CNTN5: variants seen among roughly 807,000 people sequenced by gnomAD.
CNTN5 encodes contactin 5.
CNTN5 carries 77 observed loss-of-function variants against 129.1 expected under a neutral mutation model. The ratio of observed to expected loss-of-function variants is 0.60; its 90% CI spans 0.50 to 0.72. The LOEUF (loss-of-function observed/expected upper bound fraction) is 0.72. CNTN5 is among the 30% of genes least tolerant of loss of function. The pLI is 0.00. For missense variants in CNTN5, 1,478 were observed against 1,328.8 expected, an observed-to-expected ratio of 1.11 and a Z score of -1.75; for synonymous variants, 509 against 465.6, an observed-to-expected ratio of 1.09 and a Z score of -1.20.
intron 15 of CNTN5, among the ~76,000 whole-genome samples, chr11:100,203,799 TAC>T (rs59141425): frequency 0.021 from 2,941 of 139,124 alleles, 44 homozygotes; most frequent in Middle Eastern, 0.088. Flanking sequence ...AATGTGCACG[TAC>T]ACACACACAC....
chr11:99,689,196 T>C (rs1953925099), intron 3 of CNTN5, among the ~76,000 whole-genome samples: 1 of 152,098 alleles, frequency 6.6e-6, no homozygotes, highest in South Asian at 2.1e-4. Context: ...TCTTCCACAA[T>C]GGGTTGAACT....
chr11:99,522,172 A>G (rs1023428810), intron 2 of CNTN5, among the ~76,000 whole-genome samples: 1 of 152,286 alleles, frequency 6.6e-6, no homozygotes, highest in East Asian at 1.9e-4. Context: ...ATGAACACCT[A>G]TAAAAGAACA....
chr11:100,197,853 G>A (rs987533795), intron 15 of CNTN5, among the ~76,000 whole-genome samples: 5 of 151,910 alleles, frequency 3.3e-5, no homozygotes, highest in Non-Finnish European at 7.4e-5. Flanking sequence ...CTTTCATTGT[G>A]AACTTGATAA....
intron 1 of CNTN5, among the ~76,000 whole-genome samples, chr11:99,158,903 AT>A (rs1860462012): frequency 6.6e-6 from 1 of 152,206 alleles, no homozygotes; most frequent in South Asian, 2.1e-4. Context: ...TTATAAACAT[AT>A]TGAATATTAA....
chr11:99,862,576 C>G (rs1260067236), intron 6 of CNTN5, among the ~76,000 whole-genome samples: 1 of 151,858 alleles, frequency 6.6e-6, no homozygotes, highest in Admixed American at 6.6e-5. Flanking sequence ...ACTTTGTTGT[C>G]TATTTCTTAT....
At chr11:99,032,100 C>T (rs1345666273) in intron 1 of CNTN5, among the ~76,000 whole-genome samples, 1 of 152,000 alleles carries the variant, frequency 6.6e-6, no homozygotes, top group Non-Finnish European at 1.5e-5. Flanking sequence ...ATGAACTCAT[C>T]CTTTTTTATG....
chr11:99,242,609 T>C (rs1413325568), intron 1 of CNTN5, among the ~76,000 whole-genome samples: 2 of 152,110 alleles, frequency 1.3e-5, no homozygotes, highest in Non-Finnish European at 2.9e-5. Flanking sequence ...TAGTACACGA[T>C]AGTTTTTCAG....
intron 3 of CNTN5, among the ~76,000 whole-genome samples, chr11:99,801,935 A>C (rs1434473026): frequency 6.6e-6 from 1 of 152,176 alleles, no homozygotes; most frequent in Non-Finnish European, 1.5e-5. Context: ...GAATGCCCCC[A>C]AAGCATTCAT....
At chr11:99,266,440 G>T (rs1862895738) in intron 1 of CNTN5, among the ~76,000 whole-genome samples, 1 of 151,774 alleles carries the variant, frequency 6.6e-6, no homozygotes. Flanking sequence ...CTCTACAAAA[G>T]ATTTTTTAAA....
intron 3 of CNTN5, among the ~76,000 whole-genome samples, chr11:99,762,789 T>A (rs1944626427): frequency 6.6e-6 from 1 of 152,156 alleles, no homozygotes; most frequent in South Asian, 2.1e-4. Flanking sequence ...TCTTCAAATT[T>A]AATGTCTGTA....
chr11:99,934,532 C>T (rs1300682924), intron 7 of CNTN5, among the ~76,000 whole-genome samples: 1 of 152,138 alleles, frequency 6.6e-6, no homozygotes, highest in Non-Finnish European at 1.5e-5. Flanking sequence ...CCACCACCTC[C>T]ATTTCTTTCA....
intron 3 of CNTN5, among the ~76,000 whole-genome samples, chr11:99,566,475 C>T (rs2135564190): frequency 6.6e-6 from 1 of 152,204 alleles, no homozygotes; most frequent in Non-Finnish European, 1.5e-5. Flanking sequence ...ATCTCTTTTC[C>T]CAGCGTGTTT....
At chr11:99,753,366 C>T (rs1360067551) in intron 3 of CNTN5, among the ~76,000 whole-genome samples, 1 of 151,752 alleles carries the variant, frequency 6.6e-6, no homozygotes, top group Non-Finnish European at 1.5e-5. Context: ...TCGTGATTCA[C>T]CCGCCTCAGC....
intron 18 of CNTN5, among the ~76,000 whole-genome samples, chr11:100,279,917 T>C (rs966590877): frequency 2.0e-5 from 3 of 150,192 alleles, no homozygotes; most frequent in Admixed American, 6.6e-5. Context: ...TTTCTTTTTT[T>C]TTTTTTTTTA....
chr11:100,070,347 T>A, intron 10 of CNTN5, 77 bp from the exon 11 acceptor site: 3 of 1,436,204 alleles, frequency 2.1e-6, no homozygotes, highest in Non-Finnish European at 2.8e-6. Context: ...TACGTTGAAT[T>A]TTTCCATGTA....
intron 2 of CNTN5, among the ~76,000 whole-genome samples, chr11:99,392,348 C>A (rs1207627641): frequency 4.6e-5 from 7 of 151,658 alleles, no homozygotes. Flanking sequence ...GAGAAAAATA[C>A]CCTCTCCTGT....
chr11:99,612,615 C>T (rs940469127), intron 3 of CNTN5, among the ~76,000 whole-genome samples: 1 of 152,150 alleles, frequency 6.6e-6, no homozygotes, highest in Non-Finnish European at 1.5e-5. Context: ...AACGTAGGAG[C>T]CTGAGCTCTC....
chr11:100,285,148 T>A (rs1474897913), intron 18 of CNTN5, among the ~76,000 whole-genome samples: 2 of 152,238 alleles, frequency 1.3e-5, no homozygotes, highest in Non-Finnish European at 2.9e-5. Context: ...ACCTCCATCA[T>A]TAATTTAAAT....
Position 99,328,821 on chromosome 11 carries a change from G to A in CNTN5, c.-71+3337G>A, listed in dbSNP as rs555435477. ...GGAGGCGGAGGTTGCAGTGAGCCAA[G>A]ATCACACCATTGCACTCCAGCCTGG... On this transcript the variant is annotated intron_variant, in intron 2 of 24. Transcript: ENST00000524871. 6.6e-5 allele frequency among the ~76,000 whole-genome samples: 8 copies of A among 122,002 alleles called. No individual in the cohort carries two copies. The South Asian group carries it at 1.5e-3, about 24-fold the overall frequency. 80.0% of individuals were successfully genotyped at this position (122,002 alleles called of 152,430 possible). A position where few individuals can be genotyped will look rare whatever the true frequency, so the allele number is the denominator to read the frequency against.
Sources: gnomAD v4.1 joint callset for allele counts (sites outside exome capture counted in the v4.1 genomes callset) on GRCh38, gnomAD v4.1.1 for gene constraint, MANE v1.5 for transcripts, NCBI Gene and HGNC (gene_info 2026-07-23, HGNC 2026-07-21) for gene names.